NRG1: variants seen among roughly 807,000 people sequenced by gnomAD.
NRG1 encodes pro-neuregulin-1, membrane-bound isoform.
A neutral mutation model predicts 63.8 loss-of-function variants in NRG1; 18 were observed. The ratio of observed to expected loss-of-function variants is 0.28; its 90% confidence interval spans 0.19 to 0.42. NRG1 has a LOEUF of 0.42. Among genes scored for constraint, NRG1 ranks in the 10% least tolerant of loss-of-function variants. The pLI, the probability that NRG1 is intolerant of heterozygous loss-of-function variation, is 1.00. For missense variants in NRG1, 762 were observed against 814.7 expected, an observed-to-expected ratio of 0.94 and a Z score of 0.79; for synonymous variants, 302 against 301.3, an observed-to-expected ratio of 1.00 and a Z score of -0.02.
At chr8:32,417,099 C>T (rs1816030297) in intron 1 of NRG1, among the ~76,000 whole-genome samples, 1 of 152,142 alleles carries the variant, frequency 6.6e-6, no homozygotes. Context: ...CCTCAGCTTA[C>T]ACTGTGGTTG....
At chr8:31,911,647 CAAAAT>C (rs1301434248) in intron 1 of NRG1, among the ~76,000 whole-genome samples, 1 of 152,090 alleles carries the variant, frequency 6.6e-6, no homozygotes, top group African/African-American at 2.4e-5. Flanking sequence ...CATTGGGTGA[CAAAAT>C]AATCTGTACA....
intron 1 of NRG1, among the ~76,000 whole-genome samples, chr8:32,249,050 T>C (rs573924892): frequency 2.6e-5 from 4 of 152,250 alleles, no homozygotes; most frequent in African/African-American, 7.2e-5. Context: ...ATTTGGTTTA[T>C]ATAAATGGTT....
chr8:32,481,239 G>A (rs1425159646), intron 1 of NRG1, among the ~76,000 whole-genome samples: 1 of 152,040 alleles, frequency 6.6e-6, no homozygotes, highest in Non-Finnish European at 1.5e-5. Context: ...AGCTACTCAA[G>A]AGGCTGAGGT....
intron 1 of NRG1, among the ~76,000 whole-genome samples, chr8:32,277,300 T>C (rs1852215314): frequency 6.6e-6 from 1 of 152,182 alleles, no homozygotes; most frequent in African/African-American, 2.4e-5. Flanking sequence ...AGGGAAATAT[T>C]TTATTGTAAG....
chr8:32,548,685 G>A (rs1833440675), exon 1 of NRG1: 2 of 1,550,284 alleles, frequency 1.3e-6, no homozygotes, highest in Non-Finnish European at 1.7e-6. Flanking sequence ...AAACTCGCCT[G>A]CGCCGAGAGC....
At chr8:31,694,930 G>T (rs1210647415) in intron 1 of NRG1, among the ~76,000 whole-genome samples, 1 of 152,116 alleles carries the variant, frequency 6.6e-6, no homozygotes, top group African/African-American at 2.4e-5. Flanking sequence ...GAAATTACTT[G>T]GGAGAACTTC....
At chr8:31,907,142 C>A (rs1832583756) in intron 1 of NRG1, among the ~76,000 whole-genome samples, 1 of 152,058 alleles carries the variant, frequency 6.6e-6, no homozygotes, top group Non-Finnish European at 1.5e-5. Context: ...AGAGAAAGCT[C>A]TTGATATACT....
chr8:32,383,451 C>T (rs963287421), intron 1 of NRG1, among the ~76,000 whole-genome samples: 3 of 152,160 alleles, frequency 2.0e-5, no homozygotes, highest in African/African-American at 7.2e-5. Flanking sequence ...AGGTCACATA[C>T]CTAAGTAACC....
intron 1 of NRG1, among the ~76,000 whole-genome samples, chr8:32,576,698 A>G (rs1839698205): frequency 6.6e-6 from 1 of 152,126 alleles, no homozygotes; most frequent in Admixed American, 6.6e-5. Context: ...AACCACCTGT[A>G]TGAGAATCGC....
upstream of NRG1, among the ~76,000 whole-genome samples, chr8:32,545,436 A>G (rs1832978030): frequency 6.6e-6 from 1 of 152,106 alleles, no homozygotes; most frequent in Non-Finnish European, 1.5e-5. Flanking sequence ...ATAAAATTAA[A>G]CCATTAAGAT....
At chr8:31,856,974 A>T (rs1827952385) in intron 1 of NRG1, among the ~76,000 whole-genome samples, 1 of 152,166 alleles carries the variant, frequency 6.6e-6, no homozygotes, top group Non-Finnish European at 1.5e-5. Context: ...GCCCATTCTC[A>T]GATCTCCAGC....
At chr8:32,146,377 T>A (rs903047140) in intron 1 of NRG1, among the ~76,000 whole-genome samples, 1 of 152,202 alleles carries the variant, frequency 6.6e-6, no homozygotes, top group African/African-American at 2.4e-5. Context: ...ACTGTTTCGA[T>A]GAGAATTAAT....
At chr8:31,864,484 A>G (rs907712598) in intron 1 of NRG1, among the ~76,000 whole-genome samples, 1 of 152,142 alleles carries the variant, frequency 6.6e-6, no homozygotes, top group African/African-American at 2.4e-5. Flanking sequence ...CCAGCAGAAG[A>G]GCACAAGGAG....
At chr8:31,665,913 A>G (rs1806485779) in intron 1 of NRG1, among the ~76,000 whole-genome samples, 1 of 152,140 alleles carries the variant, frequency 6.6e-6, no homozygotes, top group South Asian at 2.1e-4. Context: ...TTACACCGCT[A>G]CTGCCACCTC....
chr8:31,927,995 T>A (rs73580639), intron 1 of NRG1, among the ~76,000 whole-genome samples: 2,091 of 139,732 alleles, frequency 0.015, 46 homozygotes, highest in African/African-American at 0.053. Flanking sequence ...TAGGTATATT[T>A]AAAAAAAAAA....
chr8:32,196,118 A>AGTGTAT (rs1842925430), intron 1 of NRG1, among the ~76,000 whole-genome samples: 1 of 146,854 alleles, frequency 6.8e-6, no homozygotes, highest in Non-Finnish European at 1.5e-5. Context: ...AAAAACAATG[A>AGTGTAT]GTGTGTGTGT....
In NRG1 at chr8:32,723,770, AGAAG is replaced by A. The variant is rs1244916827; in HGVS notation, c.503-4167_503-4164del. 4.7e-5 allele frequency among the ~76,000 whole-genome samples: 7 copies of A among 149,864 alleles called. No individual in the cohort carries two copies. The East Asian group carries it at 5.9e-4, about 13-fold the overall frequency. On this transcript the variant is annotated intron_variant, in intron 5 of 11. Transcript: ENST00000356819. ...AGGACGGAAATAAGGAAGGAGGGAA[AGAAG>A]GAAGGAAGGAAAGAAAGAAGGGAGG...
At chr8:32,095,548 T>G (rs532618985) in intron 1 of NRG1, among the ~76,000 whole-genome samples, 1 of 152,344 alleles carries the variant, frequency 6.6e-6, no homozygotes, top group African/African-American at 2.4e-5. Flanking sequence ...AGACCATCTT[T>G]TTAATTGTCC....
chr8:32,621,732 G>A (rs752458306), intron 5 of NRG1, among the ~76,000 whole-genome samples: 3 of 152,186 alleles, frequency 2.0e-5, no homozygotes, highest in Non-Finnish European at 4.4e-5. Context: ...GCCAGGTGTT[G>A]TGCTAGATGT....
Sources: allele counts gnomAD v4.1 joint callset (sites outside exome capture counted in the v4.1 genomes callset), GRCh38; gene constraint gnomAD v4.1.1; transcripts MANE v1.5; gene names NCBI Gene and HGNC (gene_info 2026-07-23, HGNC 2026-07-21).